FMO1: variants seen among roughly 807,000 people sequenced by gnomAD.
FMO1 encodes flavin-containing monooxygenase 1.
In FMO1, 36 loss-of-function variants were observed where a neutral mutation model predicts 45.4. The ratio of observed to expected loss-of-function variants is 0.79; its 90% CI spans 0.61 to 1.05. The LOEUF (loss-of-function observed/expected upper bound fraction) is 1.05. FMO1 is among the 50% of genes least tolerant of loss of function. The pLI is 0.00. For synonymous variants in FMO1, 228 were observed against 227.2 expected (o/e 1.00, Z -0.03); for missense variants, 615 against 640.3 (o/e 0.96, Z 0.43).
At chr1:171,282,442 C>A (rs930349971) in intron 7 of FMO1, 109 bp downstream of exon 7, 5 of 720,284 alleles carry the variant, frequency 6.9e-6, no homozygotes, top group African/African-American at 5.4e-5. Flanking sequence ...ATAACAGAAT[C>A]TTTAAAAGCA....
At chr1:171,271,646 C>T in intron 3 of FMO1, 1 of 715,072 alleles carries the variant, frequency 1.4e-6, no homozygotes, top group Non-Finnish European at 2.5e-6. Flanking sequence ...CTGGCTCTCA[C>T]TTGCCCCAGT....
rs775950415 is a variant in FMO1, at chr1:171,258,200, G to C, written c.113G>C (p.Gly38Ala). ...PTCFERSDDL[G>A]GLWRFTEHVE... is the part of the protein sequence containing the mutation. ...TGCTTTGAGAGGAGCGATGACCTTG[G>C]GGGGCTGTGGAGATTCACCGTAAGT... The change falls in exon 2 of 9, where the codon GGG (glycine) becomes GCG (alanine). Residue 38 changes from glycine to alanine, a missense_variant. Gly to Ala is a moderately conservative substitution (Grantham distance 60). Transcript: ENST00000617670. 3 of 1,614,122 alleles carry C rather than the reference G, an allele frequency of 1.9e-6. No homozygotes were observed. Among genetic ancestry groups the C allele is most frequent in the South Asian group, 2.2e-5 (2 of 91,072 alleles).
Position 171,252,553 on chromosome 1 carries a change from C to A in FMO1, c.-7+3930C>A, listed in dbSNP as rs112672262. 3.3e-3 allele frequency among the ~76,000 whole-genome samples: 498 copies of A among 152,372 alleles called. 4 individuals carry two copies. The highest frequency in any genetic ancestry group is 0.011 in the African/African-American group (469 of 41,586). ...GCCTGTTCTGTCCCTGAGCCCTGTG[C>A]TCTCCATCCATTCCATGGCTGAGAG... On this transcript the variant is annotated intron_variant, in intron 1 of 8. Transcript: ENST00000617670.
chr1:171,255,135 T>C (rs1321356113), intron 1 of FMO1, among the ~76,000 whole-genome samples: 2 of 152,234 alleles, frequency 1.3e-5, no homozygotes, highest in African/African-American at 4.8e-5. Flanking sequence ...TTTCACCCTC[T>C]ATATAATGTG....
intron 1 of FMO1, among the ~76,000 whole-genome samples, chr1:171,252,718 G>A (rs1421430661): frequency 6.6e-6 from 1 of 152,194 alleles, no homozygotes; most frequent in African/African-American, 2.4e-5. Flanking sequence ...GGTGCACTGT[G>A]CTCACCACAC....
intron 1 of FMO1, among the ~76,000 whole-genome samples, chr1:171,253,534 G>T (rs914813518): frequency 2.0e-5 from 3 of 152,014 alleles, no homozygotes; most frequent in South Asian, 2.1e-4. Flanking sequence ...GGCCGAGGCG[G>T]GTGGATCACC....
intron 1 of FMO1, among the ~76,000 whole-genome samples, chr1:171,253,234 C>A (rs892088066): frequency 2.0e-5 from 3 of 152,202 alleles, no homozygotes; most frequent in Non-Finnish European, 2.9e-5. Flanking sequence ...AAAACACAAT[C>A]ATTAAACACA....
intron 1 of FMO1, among the ~76,000 whole-genome samples, chr1:171,250,664 A>G (rs6689616): frequency 0.12 from 17,803 of 152,248 alleles, 2,009 homozygotes; most frequent in African/African-American, 0.31. Flanking sequence ...TATACAACCA[A>G]TAGCGATTTC....
chr1:171,265,848 A>C (rs1256460883), intron 2 of FMO1, among the ~76,000 whole-genome samples: 1 of 152,228 alleles, frequency 6.6e-6, no homozygotes, highest in Admixed American at 6.5e-5. Context: ...ATTTCTAAAC[A>C]TTGCTTAACA....
Position 171,278,743 on chromosome 1 carries a change from A to G in FMO1, c.499A>G (p.Lys167Glu). ...LDSFPGINAF[K>E]GQYFHSRQYK... ...ATTTTCTATAGGTATTAATGCCTTT[A>G]AAGGCCAGTACTTTCATAGCCGGCA... The change falls in exon 5 of 9, where the codon AAA becomes GAA. Residue 167 changes from lysine to glutamate, a missense_variant. By Grantham distance (56) the Lys-to-Glu change is moderately conservative (BLOSUM62 1). Coordinates refer to ENST00000617670, the MANE Select transcript of FMO1 (RefSeq NM_001282693.2). The G allele has an allele frequency of 6.2e-7, 1 of 1,606,154 alleles. No homozygotes were observed. Among genetic ancestry groups the G allele is most frequent in the Non-Finnish European group, 8.5e-7 (1 of 1,174,434 alleles).
chr1:171,264,764 T>C (rs1011885947), intron 2 of FMO1, among the ~76,000 whole-genome samples: 1 of 151,938 alleles, frequency 6.6e-6, no homozygotes, highest in Non-Finnish European at 1.5e-5. Context: ...CAGGGCGTGG[T>C]GGCCGGCGCC....
intron 5 of FMO1, among the ~76,000 whole-genome samples, chr1:171,279,237 C>A (rs1370811045): frequency 1.3e-5 from 2 of 152,080 alleles, no homozygotes; most frequent in African/African-American, 2.4e-5. Context: ...TTATTAATTA[C>A]CAACACCCTC....
chr1:171,258,999 C>T (rs924763434), intron 2 of FMO1, among the ~76,000 whole-genome samples: 9 of 152,126 alleles, frequency 5.9e-5, no homozygotes, highest in African/African-American at 2.2e-4. Context: ...GTCAGGGAAA[C>T]ATTTGCATCA....
intron 3 of FMO1, chr1:171,270,541 A>C (rs1243677475): frequency 1.0e-6 from 1 of 981,598 alleles, no homozygotes; most frequent in Non-Finnish European, 1.2e-6. Context: ...GAATGTAAAC[A>C]AAACAGCTGC....
Position 171,281,978 on chromosome 1 carries a change from G to A in FMO1, c.828G>A (p.Arg276=). ...CCTCCCTGTTCATGTTTTTGTTTAG[G>A]ACTCAGCTGAAAGAGTTTGTGCTAA... ...HANYGLIPED[R]TQLKEFVLND... is the part of the protein sequence containing the mutation. The change falls in exon 7 of 9, where the codon AGG becomes AGA. Residue 276 remains arginine (R), a splice_region_variant and synonymous_variant. Coordinates refer to ENST00000617670, the MANE Select transcript of FMO1 (RefSeq NM_001282693.2). 6.3e-7 allele frequency: 1 copy of A among 1,587,900 alleles called. No homozygotes were observed. Among genetic ancestry groups the A allele is most frequent in the African/African-American group, 1.3e-5 (1 of 74,360 alleles).
chr1:171,249,708 T>G (rs543146378), intron 1 of FMO1, among the ~76,000 whole-genome samples: 2 of 152,034 alleles, frequency 1.3e-5, no homozygotes, highest in South Asian at 4.2e-4. Context: ...TGTGTATGTG[T>G]GTGTGTGAGA....
intron 2 of FMO1, among the ~76,000 whole-genome samples, chr1:171,265,842 C>A (rs1660596811): frequency 6.6e-6 from 1 of 152,152 alleles, no homozygotes; most frequent in South Asian, 2.1e-4. Flanking sequence ...TAAACTATTT[C>A]TAAACATTGC....
At chr1:171,254,384 C>T (rs148256411) in intron 1 of FMO1, among the ~76,000 whole-genome samples, 72 of 152,218 alleles carry the variant, frequency 4.7e-4, no homozygotes, top group African/African-American at 1.4e-3. Context: ...ACCACCACCC[C>T]GGCCCGAGTT....
chr1:171,249,059 C>T (rs1312094998), intron 1 of FMO1, among the ~76,000 whole-genome samples: 2 of 151,632 alleles, frequency 1.3e-5, no homozygotes, highest in African/African-American at 4.8e-5. Context: ...TGGCATTTGG[C>T]ACAAGTGGGA....
Sources: allele counts gnomAD v4.1 joint callset (sites outside exome capture counted in the v4.1 genomes callset), GRCh38; gene constraint gnomAD v4.1.1; transcripts MANE v1.5; gene names NCBI Gene and HGNC (gene_info 2026-07-23, HGNC 2026-07-21).